The following GYG1 variants were observed in gnomAD, a reference collection of about 807,000 sequenced individuals.
The protein encoded by GYG1 is glycogenin 1, also known as glycogenin-1.
Under a neutral mutation model 41.9 loss-of-function variants are expected in GYG1, and 44 were observed. The observed-to-expected ratio is 1.05, with a 90% CI of 0.83 to 1.35. The LOEUF is 1.35. GYG1 is among the 40% of genes most tolerant of loss of function. The pLI is 0.00. For missense variants in GYG1, 429 were observed against 418.9 expected (o/e 1.02, Z -0.21); for synonymous variants, 141 against 158.1 (o/e 0.89, Z 0.81).
intron 1 of GYG1, among the ~76,000 whole-genome samples, chr3:148,993,172 A>G (rs974228260): frequency 3.3e-5 from 5 of 150,384 alleles, no homozygotes; most frequent in African/African-American, 4.9e-5. Flanking sequence ...GTCCCAGGGA[A>G]TGACTGGAGA....
chr3:148,995,740 T>C (rs1315898224), intron 2 of GYG1, among the ~76,000 whole-genome samples: 4 of 152,226 alleles, frequency 2.6e-5, no homozygotes, highest in Non-Finnish European at 1.5e-5. Flanking sequence ...TTCAGTATGA[T>C]ACGTTTTTAC....
At chr3:149,007,531 T>A (rs905915331) in intron 4 of GYG1, among the ~76,000 whole-genome samples, 1 of 152,230 alleles carries the variant, frequency 6.6e-6, no homozygotes, top group Non-Finnish European at 1.5e-5. Flanking sequence ...AAGGATAGAA[T>A]ACGCAGAGGG....
intron 4 of GYG1, chr3:149,007,948 T>TA (rs1405459628): frequency 6.6e-6 from 1 of 152,216 alleles, no homozygotes; most frequent in Non-Finnish European, 1.5e-5. Flanking sequence ...TGTCTTGTAT[T>TA]GTTTTTATTT....
At chr3:149,005,675 A>G (rs1713358701) in intron 4 of GYG1, among the ~76,000 whole-genome samples, 1 of 152,228 alleles carries the variant, frequency 6.6e-6, no homozygotes, top group Non-Finnish European at 1.5e-5. Flanking sequence ...ATGGTGAGCA[A>G]AAGGCCATAA....
chr3:148,998,134 GA>G (rs1712910679), intron 4 of GYG1, among the ~76,000 whole-genome samples: 1 of 152,164 alleles, frequency 6.6e-6, no homozygotes, highest in Admixed American at 6.5e-5. Context: ...ACATAAAGCT[GA>G]GATTGGGTTT....
chr3:149,015,707 A>G (rs1473245322), intron 5 of GYG1, among the ~76,000 whole-genome samples: 1 of 152,108 alleles, frequency 6.6e-6, no homozygotes, highest in Non-Finnish European at 1.5e-5. Context: ...AAGGAGGAGA[A>G]TTGGAGGCAG....
At position 149,027,179 on chromosome 3, in the gene GYG1, G is replaced by T. The variant is rs548548843; in HGVS notation, c.*246G>T. The stretch of plus-strand genomic sequence containing the variant: ...GCTTGTTTCAGAAATTCTCACTTTT[G>T]TTGACTGCCAACATACAAAGTAAGG... On this transcript the variant is annotated 3_prime_UTR_variant, in exon 8 of 8. Coordinates refer to ENST00000345003, the MANE Select transcript of GYG1 (RefSeq NM_004130.4). 6 of 539,580 alleles carry T rather than the reference G, an allele frequency of 1.1e-5. No individual in the cohort carries two copies. In the African/African-American group the frequency reaches 1.1e-4, roughly 10 times the overall value. 33.4% of individuals were successfully genotyped at this position (539,580 alleles called of 1,614,324 possible).
intron 4 of GYG1, among the ~76,000 whole-genome samples, chr3:149,006,562 G>C (rs1299356218): frequency 1.3e-5 from 2 of 152,132 alleles, no homozygotes. Context: ...GATTCATCCA[G>C]GTTATTGTAT....
intron 5 of GYG1, among the ~76,000 whole-genome samples, chr3:149,011,892 G>C (rs924683904): frequency 1.3e-5 from 2 of 152,200 alleles, no homozygotes; most frequent in Non-Finnish European, 2.9e-5. Flanking sequence ...GGGCCGGCTG[G>C]AGATGCTGCT....
In GYG1 at chr3:149,027,504, T is replaced by C. The variant is rs898959823; in HGVS notation, c.*571T>C. The C allele has an allele frequency of 6.4e-6, 1 of 157,078 alleles. No homozygotes were observed. Among genetic ancestry groups the C allele is most frequent in the Non-Finnish European group, 1.4e-5 (1 of 70,640 alleles). The allele number at this position is 157,078 out of a possible 1,614,324, so 9.7% of individuals were successfully genotyped here. A position where few individuals can be genotyped will look rare whatever the true frequency, so the allele number is the denominator to read the frequency against. On this transcript the variant is annotated 3_prime_UTR_variant, in exon 8 of 8. Coordinates refer to ENST00000345003, the MANE Select transcript of GYG1 (RefSeq NM_004130.4). The stretch of plus-strand genomic sequence containing the variant: ...TAGTGTCTGAAGATGCTCACCAGTT[T>C]TCTGTGTACAGTAAGGCAGCATGCT...
chr3:149,009,608 C>T (rs1048013992), intron 5 of GYG1, among the ~76,000 whole-genome samples: 14 of 152,116 alleles, frequency 9.2e-5, no homozygotes, highest in Non-Finnish European at 1.5e-4. Context: ...TCCTTAGTTG[C>T]CTTTGGGACA....
intron 6 of GYG1, 24 bp from the exon 7 acceptor site, chr3:149,026,428 C>T (rs775889321): frequency 1.3e-6 from 2 of 1,508,754 alleles, no homozygotes; most frequent in Non-Finnish European, 1.8e-6. Flanking sequence ...ATCCATCTTA[C>T]ACTTTCTAAT....
chr3:149,016,102 T>TA (rs1348263612), intron 5 of GYG1, among the ~76,000 whole-genome samples: 48 of 151,226 alleles, frequency 3.2e-4, no homozygotes, highest in African/African-American at 1.1e-3. Context: ...CTACTAAAAA[T>TA]ACAAAAAAAT....
chr3:149,014,029 A>C (rs1317356305), intron 5 of GYG1, among the ~76,000 whole-genome samples: 1 of 152,196 alleles, frequency 6.6e-6, no homozygotes, highest in Non-Finnish European at 1.5e-5. Flanking sequence ...GAGATGAATA[A>C]GGGAGCTTGG....
At chr3:149,019,511 T>C (rs1056774157) in intron 5 of GYG1, among the ~76,000 whole-genome samples, 4 of 152,194 alleles carry the variant, frequency 2.6e-5, no homozygotes, top group Non-Finnish European at 4.4e-5. Context: ...TAGGACCCCT[T>C]AAGATCCCAG....
chr3:149,025,327 A>G (rs1714594731), intron 6 of GYG1, among the ~76,000 whole-genome samples: 1 of 152,164 alleles, frequency 6.6e-6, no homozygotes, highest in African/African-American at 2.4e-5. Context: ...AGTTTACAAT[A>G]GAGTTCACGC....
rs71617496 is a variant in GYG1 at position 149,028,705 on chromosome 3, ATTTTTTTTT to A, written c.*1787_*1795del. Among the ~76,000 whole-genome samples the A allele has an allele frequency of 1.5e-5, 2 of 133,720 alleles. No homozygotes were observed. Among genetic ancestry groups the A allele is most frequent in the Non-Finnish European group, 3.2e-5 (2 of 63,392 alleles). 87.7% of individuals were successfully genotyped at this position (133,720 alleles called of 152,430 possible). A position where few individuals can be genotyped will look rare whatever the true frequency, so the allele number is the denominator to read the frequency against. On this transcript the variant is annotated 3_prime_UTR_variant, in exon 8 of 8. Transcript: ENST00000345003. The stretch of plus-strand genomic sequence containing the variant: ...GGTGGAAAAGCTGACATAGTTTTAA[ATTTTTTTTT>A]TTTTTTTTTTTTTTCTTGAGGCAGA...
intron 4 of GYG1, among the ~76,000 whole-genome samples, chr3:149,002,487 T>G (rs1713147233): frequency 6.6e-6 from 1 of 152,156 alleles, no homozygotes; most frequent in South Asian, 2.1e-4. Context: ...AGTAGTAAAA[T>G]AAATCAGTTA....
chr3:149,005,933 T>G (rs1015786140), intron 4 of GYG1, among the ~76,000 whole-genome samples: 1 of 152,172 alleles, frequency 6.6e-6, no homozygotes, highest in African/African-American at 2.4e-5. Context: ...TTTCACCAGT[T>G]TTATATGTAT....
Sources: gnomAD v4.1 joint callset for allele counts (sites outside exome capture counted in the v4.1 genomes callset) on GRCh38, gnomAD v4.1.1 for gene constraint, MANE v1.5 for transcripts, NCBI Gene and HGNC (gene_info 2026-07-23, HGNC 2026-07-21) for gene names.